Variants in GPAT3 observed in about 807,000 individuals in gnomAD.
The protein encoded by GPAT3 is glycerol-3-phosphate acyltransferase 3.
GPAT3 carries 53 observed loss-of-function variants against 58.8 expected under a neutral mutation model. The ratio of observed to expected loss-of-function variants is 0.90; its 90% confidence interval spans 0.72 to 1.13. The LOEUF (loss-of-function observed/expected upper bound fraction) is 1.13. Among genes scored for constraint, GPAT3 ranks in the 50% most tolerant of loss-of-function variants. The pLI is 0.00. For synonymous variants in GPAT3, 197 were observed against 187.4 expected, an observed-to-expected ratio of 1.05 and a Z score of -0.42; for missense variants, 511 against 527.6, an observed-to-expected ratio of 0.97 and a Z score of 0.31.
At chr4:83,578,948 T>TTTTCCCTTTCTTTCTTTC (rs1725934096) in intron 2 of GPAT3, among the ~76,000 whole-genome samples, 1 of 71,848 alleles carries the variant, frequency 1.4e-5, no homozygotes, top group Non-Finnish European at 2.7e-5. Context: ...TTTTCTTTTC[T>TTTTCCCTTTCTTTCTTTC]TTTCTTTCTT....
intron 2 of GPAT3, among the ~76,000 whole-genome samples, chr4:83,567,696 G>A (rs929308322): frequency 6.6e-6 from 1 of 152,140 alleles, no homozygotes; most frequent in East Asian, 1.9e-4. Context: ...ACTTTGGGAG[G>A]CTGAGGCGGG....
chr4:83,561,728 G>C (rs774435555), intron 2 of GPAT3, among the ~76,000 whole-genome samples: 1 of 151,690 alleles, frequency 6.6e-6, no homozygotes, highest in Admixed American at 6.6e-5. Context: ...CAGGGTTTGT[G>C]TGACAGAGAG....
At chr4:83,590,043 A>G (rs187454773) in intron 5 of GPAT3, among the ~76,000 whole-genome samples, 156 bp from the exon 6 acceptor site, 46 of 152,284 alleles carry the variant, frequency 3.0e-4, no homozygotes, top group Non-Finnish European at 5.9e-4. Context: ...CCATGAGCCA[A>G]GATTGCACCA....
At chr4:83,562,223 ATAATATATATATAAT>A (rs1560611187) in intron 2 of GPAT3, among the ~76,000 whole-genome samples, 11 of 69,256 alleles carry the variant, frequency 1.6e-4, no homozygotes, top group African/African-American at 6.8e-4. Flanking sequence ...ATATATATAT[ATAATATATATATAAT>A]ATATATATAT....
Position 83,587,324 on chromosome 4 carries a change from C to T in GPAT3, c.549C>T (p.Asp183=). ...IGTTLVGQLP[D]SSLKNWLSEL... ...CTACACTGGTTGGGCAGCTGCCAGACAGCAGGTGAAATGTTTCCTTCCATC... is the reference window on the plus strand; with the variant it reads ...CTACACTGGTTGGGCAGCTGCCAGATAGCAGGTGAAATGTTTCCTTCCATC... Residue 183 remains aspartate (D), a synonymous_variant, in exon 4 of 12, where the codon GAC becomes GAT. Transcript: ENST00000264409. The T allele has an allele frequency of 6.2e-7, 1 of 1,613,238 alleles. No individual in the cohort carries two copies. The highest frequency in any genetic ancestry group is 8.5e-7 in the Non-Finnish European group (1 of 1,179,432).
intron 2 of GPAT3, among the ~76,000 whole-genome samples, chr4:83,551,935 A>G (rs2110076554): frequency 6.6e-6 from 1 of 152,170 alleles, no homozygotes; most frequent in African/African-American, 2.4e-5. Context: ...AAAAAAGAGA[A>G]AACCCCAACC....
intron 1 of GPAT3, among the ~76,000 whole-genome samples, chr4:83,543,993 C>G (rs1724409671): frequency 6.6e-6 from 1 of 152,186 alleles, no homozygotes; most frequent in South Asian, 2.1e-4. Context: ...CTGCCTCTTT[C>G]TGCAAGCTTA....
intron 2 of GPAT3, among the ~76,000 whole-genome samples, chr4:83,575,731 T>C (rs1398711515): frequency 6.6e-6 from 1 of 152,224 alleles, no homozygotes; most frequent in African/African-American, 2.4e-5. Context: ...AATTTTATAA[T>C]AGTACCCATT....
intron 1 of GPAT3, among the ~76,000 whole-genome samples, chr4:83,542,764 G>A (rs1444126674): frequency 2.0e-5 from 3 of 152,146 alleles, no homozygotes; most frequent in Non-Finnish European, 2.9e-5. Flanking sequence ...TTGGGAGGCC[G>A]AGGCAGATGG....
chr4:83,575,499 A>G (rs1725777620), intron 2 of GPAT3, among the ~76,000 whole-genome samples: 1 of 151,488 alleles, frequency 6.6e-6, no homozygotes, highest in East Asian at 2.0e-4. Flanking sequence ...TGCAAGCTCC[A>G]CCTCCCGAGT....
intron 1 of GPAT3, among the ~76,000 whole-genome samples, chr4:83,538,657 G>A (rs1010400548): frequency 2.0e-5 from 3 of 152,198 alleles, no homozygotes; most frequent in Non-Finnish European, 4.4e-5. Flanking sequence ...AGGCCAGCTA[G>A]TTGCTGTCAG....
intron 2 of GPAT3, among the ~76,000 whole-genome samples, chr4:83,545,009 CT>C (rs1724454553): frequency 1.3e-5 from 2 of 152,256 alleles, no homozygotes; most frequent in South Asian, 4.1e-4. Flanking sequence ...GTACTCTTTT[CT>C]GCTGAAGGCT....
At chr4:83,555,333 G>C (rs1724908931) in intron 2 of GPAT3, among the ~76,000 whole-genome samples, 2 of 152,178 alleles carry the variant, frequency 1.3e-5, no homozygotes, top group Admixed American at 1.3e-4. Flanking sequence ...TGTGATTACA[G>C]GGTTGGAACT....
intron 2 of GPAT3, among the ~76,000 whole-genome samples, chr4:83,549,857 G>A (rs1724688088): frequency 6.6e-6 from 1 of 151,712 alleles, no homozygotes; most frequent in Admixed American, 6.6e-5. Flanking sequence ...TAAGTATCTG[G>A]GATTACAGGC....
chr4:83,603,856 A>G (rs1204153348), intron 11 of GPAT3, among the ~76,000 whole-genome samples: 2 of 152,122 alleles, frequency 1.3e-5, no homozygotes, highest in African/African-American at 2.4e-5. Flanking sequence ...TATTTGAACA[A>G]TGATTTATCT....
intron 5 of GPAT3, among the ~76,000 whole-genome samples, chr4:83,588,516 A>G (rs995642006): frequency 6.6e-6 from 1 of 152,226 alleles, no homozygotes; most frequent in Non-Finnish European, 1.5e-5. Context: ...GTTGTGCTCA[A>G]TAATTGGGCA....
chr4:83,565,874 A>G (rs1725362888), intron 2 of GPAT3, among the ~76,000 whole-genome samples: 1 of 152,200 alleles, frequency 6.6e-6, no homozygotes, highest in Non-Finnish European at 1.5e-5. Flanking sequence ...GAGGGGTAGG[A>G]AGGGATGAAG....
chr4:83,566,645 A>G (rs903423973), intron 2 of GPAT3, among the ~76,000 whole-genome samples: 1 of 151,650 alleles, frequency 6.6e-6, no homozygotes, highest in African/African-American at 2.4e-5. Flanking sequence ...AGGAAATACA[A>G]CAACCCATTT....
At chr4:83,550,431 C>T (rs549177159) in intron 2 of GPAT3, among the ~76,000 whole-genome samples, 89 of 152,108 alleles carry the variant, frequency 5.9e-4, no homozygotes, top group African/African-American at 2.0e-3. Flanking sequence ...ATGATGATGA[C>T]AATTTTCAGA....
Sources: gnomAD v4.1 joint callset for allele counts (sites outside exome capture counted in the v4.1 genomes callset) on GRCh38, gnomAD v4.1.1 for gene constraint, MANE v1.5 for transcripts, NCBI Gene and HGNC (gene_info 2026-07-23, HGNC 2026-07-21) for gene names.